The following TULP4 variants were observed in gnomAD, a reference collection of about 807,000 sequenced individuals.
TULP4 encodes the protein tubby-related protein 4.
Under a neutral mutation model 129.0 loss-of-function variants are expected in TULP4, and 16 were observed. That is an observed-to-expected ratio of 0.12 (90% CI 0.08 to 0.19). The LOEUF is 0.19. TULP4 is among the 10% of genes least tolerant of loss of function. TULP4 has a pLI of 1.00. For synonymous variants in TULP4, 998 were observed against 854.0 expected (o/e 1.17, Z -2.94); for missense variants, 1,842 against 2,059.1 (o/e 0.89, Z 2.04).
At chr6:158,290,783 T>A (rs182706919) in intron 1 of TULP4, among the ~76,000 whole-genome samples, 2 of 152,302 alleles carry the variant, frequency 1.3e-5, no homozygotes, top group African/African-American at 4.8e-5. Context: ...GATCAAATTG[T>A]CTTTTTTTTA....
At chr6:158,237,226 A>T in intron 1 of TULP4, 1 of 770,618 alleles carries the variant, frequency 1.3e-6, no homozygotes, top group Non-Finnish European at 2.2e-6. Flanking sequence ...ATTTATGAAA[A>T]TATGGAGATG....
At chr6:158,388,322 CT>C (rs10650311) in intron 1 of TULP4, among the ~76,000 whole-genome samples, 24 of 86,260 alleles carry the variant, frequency 2.8e-4, no homozygotes, top group East Asian at 8.4e-4. Flanking sequence ...GCTCGTTTTT[CT>C]TTTTTTTTTT....
chr6:158,359,695 C>T (rs1780724275), intron 1 of TULP4, among the ~76,000 whole-genome samples: 1 of 152,046 alleles, frequency 6.6e-6, no homozygotes, highest in African/African-American at 2.4e-5. Flanking sequence ...TTGGCAGCAC[C>T]CTCACAGACA....
intron 1 of TULP4, among the ~76,000 whole-genome samples, chr6:158,321,440 CCA>C (rs1297353772): frequency 6.6e-6 from 1 of 152,168 alleles, no homozygotes; most frequent in East Asian, 1.9e-4. Context: ...CCTTCTAGTT[CCA>C]GACTTCATTC....
chr6:158,286,449 C>T (rs868017650), intron 1 of TULP4, among the ~76,000 whole-genome samples: 28 of 152,252 alleles, frequency 1.8e-4, no homozygotes, highest in Middle Eastern at 3.4e-3. Context: ...TCCTCTGTAC[C>T]TGTAACCACG....
At chr6:158,412,212 A>G (rs1345981258) in intron 1 of TULP4, among the ~76,000 whole-genome samples, 2 of 152,230 alleles carry the variant, frequency 1.3e-5, no homozygotes, top group Non-Finnish European at 2.9e-5. Flanking sequence ...GTCAGACTGA[A>G]TTAATTCATG....
rs894176958 is a variant in TULP4, at chr6:158,508,063, G to C, written c.*1369G>C. 6.6e-6 allele frequency: 1 copy of C among 152,154 alleles called. No individual in the cohort carries two copies. Among genetic ancestry groups the C allele is most frequent in the African/African-American group, 2.4e-5 (1 of 41,444 alleles). 9.4% of individuals were successfully genotyped at this position (152,154 alleles called of 1,614,324 possible). A position where few individuals can be genotyped will look rare whatever the true frequency, so the allele number is the denominator to read the frequency against. On this transcript the variant is annotated 3_prime_UTR_variant, in exon 14 of 14. Coordinates refer to ENST00000367097, the MANE Select transcript of TULP4 (RefSeq NM_020245.5). ...TAATTGTATAAAAAAAAATTACCTA[G>C]AATATCTCTTCCCACTTCCTCGTCC... is the stretch of plus-strand genomic sequence containing the variant.
intron 1 of TULP4, among the ~76,000 whole-genome samples, chr6:158,395,576 T>C (rs2114962609): frequency 1.4e-5 from 2 of 140,930 alleles, no homozygotes; most frequent in Middle Eastern, 7.7e-3. Context: ...AGCAAAACTC[T>C]GTCTAAAAAA....
At chr6:158,462,971 A>G (rs1774555) in intron 6 of TULP4, among the ~76,000 whole-genome samples, 63,383 of 151,244 alleles carry the variant, frequency 0.42, 14,553 homozygotes, top group African/African-American at 0.62. Flanking sequence ...CCAGGCTGGT[A>G]TTGAACTCCC....
chr6:158,401,367 C>T (rs1777843989), intron 1 of TULP4, among the ~76,000 whole-genome samples: 1 of 152,190 alleles, frequency 6.6e-6, no homozygotes, highest in Admixed American at 6.5e-5. Context: ...AGCCACCGCA[C>T]CTGGCCAGCC....
At chr6:158,242,731 T>C (rs1777946755) in intron 1 of TULP4, 1 of 496,814 alleles carries the variant, frequency 2.0e-6, no homozygotes, top group Non-Finnish European at 3.8e-6. Flanking sequence ...TTGACAGGCT[T>C]GAGAGCACAC....
intron 1 of TULP4, among the ~76,000 whole-genome samples, chr6:158,271,115 A>G (rs1158113487): frequency 3.4e-5 from 5 of 146,806 alleles, no homozygotes; most frequent in African/African-American, 7.6e-5. Context: ...GCGCCACTGT[A>G]CTCCAGCCTG....
intron 1 of TULP4, among the ~76,000 whole-genome samples, chr6:158,370,808 C>G (rs75147677): frequency 1.2e-3 from 188 of 152,282 alleles, no homozygotes; most frequent in Non-Finnish European, 2.0e-3. Context: ...GCAGAGGTGA[C>G]AAAATGTGGG....
chr6:158,319,175 T>C (rs958071506), intron 1 of TULP4, among the ~76,000 whole-genome samples: 3 of 152,168 alleles, frequency 2.0e-5, no homozygotes, highest in African/African-American at 7.2e-5. Context: ...GCAGAAATAC[T>C]GTGTTTTATT....
chr6:158,284,882 A>G (rs1778810339), intron 1 of TULP4, among the ~76,000 whole-genome samples: 1 of 152,220 alleles, frequency 6.6e-6, no homozygotes. Flanking sequence ...AATGGGGATG[A>G]TACCTACCTC....
At chr6:158,422,923 C>T (rs1278980262) in intron 2 of TULP4, among the ~76,000 whole-genome samples, 2 of 152,226 alleles carry the variant, frequency 1.3e-5, no homozygotes, top group African/African-American at 2.4e-5. Flanking sequence ...GGAAGGCGCC[C>T]GAATCGCCAT....
At chr6:158,328,109 TGTGTGTGTGTGTGTGTGTGCGTGC>T (rs751101037) in intron 1 of TULP4, among the ~76,000 whole-genome samples, 24,900 of 117,228 alleles carry the variant, frequency 0.21, 2,645 homozygotes, top group Middle Eastern at 0.29. Context: ...TGTGTGTGTG[TGTGTGTGTGTGTGTGTGTGCGTGC>T]GTGCTGGGAA....
At chr6:158,470,344 A>G (rs1779650977) in intron 6 of TULP4, among the ~76,000 whole-genome samples, 2 of 152,256 alleles carry the variant, frequency 1.3e-5, no homozygotes. Context: ...AGAGTGAAAT[A>G]GAGTGAAAAC....
intron 9 of TULP4, among the ~76,000 whole-genome samples, chr6:158,491,023 C>T (rs1780187607): frequency 6.6e-6 from 1 of 152,130 alleles, no homozygotes; most frequent in Admixed American, 6.5e-5. Context: ...GCGCTCATTT[C>T]TCTTGGATAT....
Sources: allele counts gnomAD v4.1 joint callset (sites outside exome capture counted in the v4.1 genomes callset), GRCh38; gene constraint gnomAD v4.1.1; transcripts MANE v1.5; gene names NCBI Gene and HGNC (gene_info 2026-07-23, HGNC 2026-07-21).